Variants in LIPA observed in about 807,000 individuals in gnomAD.
LIPA encodes lysosomal acid lipase/cholesteryl ester hydrolase.
LIPA carries 26 observed loss-of-function variants against 40.6 expected under a neutral mutation model. That is an observed-to-expected ratio of 0.64 (90% CI 0.47 to 0.89). The LOEUF (loss-of-function observed/expected upper bound fraction) is 0.89. Ranked by LOEUF, LIPA falls within the 40% of genes least tolerant of loss-of-function variation. The probability of loss-of-function intolerance (pLI) is 0.00; values close to 1 mark genes in which losing one functional copy is unlikely to be tolerated. For synonymous variants in LIPA, 188 were observed against 168.4 expected (o/e 1.12, Z -0.90); for missense variants, 455 against 479.6 (o/e 0.95, Z 0.48).
At chr10:89,238,033 T>C (rs1842926502) in intron 3 of LIPA, among the ~76,000 whole-genome samples, 1 of 152,214 alleles carries the variant, frequency 6.6e-6, no homozygotes, top group Non-Finnish European at 1.5e-5. Context: ...CAGAAAAAGC[T>C]GTGAAAGTTA....
chr10:89,298,609 G>A (rs901424646), intron 1 of LIPA, among the ~76,000 whole-genome samples: 3 of 152,166 alleles, frequency 2.0e-5, no homozygotes, highest in African/African-American at 7.2e-5. Flanking sequence ...CAGGAAGCAT[G>A]TAAAAGCAAG....
At chr10:89,300,342 T>C (rs1843437834) in intron 1 of LIPA, among the ~76,000 whole-genome samples, 1 of 152,200 alleles carries the variant, frequency 6.6e-6, no homozygotes, top group African/African-American at 2.4e-5. Context: ...AGTTCTAATG[T>C]TTGATAGCCG....
At chr10:89,383,827 C>T (rs1844182058) in intron 2 of LIPA, 3 of 1,614,176 alleles carry the variant, frequency 1.9e-6, no homozygotes, top group Non-Finnish European at 1.7e-6. Context: ...GGAAGGGAAC[C>T]CTGAAAACCC....
intron 1 of LIPA, among the ~76,000 whole-genome samples, chr10:89,265,424 T>A (rs1221170809): frequency 6.6e-6 from 1 of 152,138 alleles, no homozygotes; most frequent in Non-Finnish European, 1.5e-5. Flanking sequence ...CAGAGGCCAC[T>A]CCAGATGGGC....
chr10:89,215,524 A>G (rs148561001), intron 9 of LIPA, among the ~76,000 whole-genome samples: 111 of 152,348 alleles, frequency 7.3e-4, no homozygotes, highest in African/African-American at 2.6e-3. Flanking sequence ...ATTAAATTTA[A>G]AAAACAGAGC....
chr10:89,388,349 G>A (rs1395177904), intron 2 of LIPA, among the ~76,000 whole-genome samples: 4 of 152,102 alleles, frequency 2.6e-5, no homozygotes, highest in South Asian at 2.1e-4. Context: ...CAGGTGATCC[G>A]CCCATCTTGG....
chr10:89,334,376 C>T (rs1024020710), intron 1 of LIPA, among the ~76,000 whole-genome samples: 1 of 151,692 alleles, frequency 6.6e-6, no homozygotes, highest in Admixed American at 6.6e-5. Context: ...TCCTATCTCC[C>T]TAAGGTCTTC....
chr10:89,335,016 C>A (rs1843713525), intron 1 of LIPA, among the ~76,000 whole-genome samples: 1 of 152,128 alleles, frequency 6.6e-6, no homozygotes, highest in Non-Finnish European at 1.5e-5. Context: ...AACCTCCTGA[C>A]CTGTGGCTCT....
rs1003454769 is a variant in LIPA, at chr10:89,214,334, T to C, written c.*494A>G. ...ACTATGCACCTGCTGCAGGAAAACA[T>C]GATAAAATGTCATTTAGATCTCTAA... On this transcript the variant is annotated 3_prime_UTR_variant, in exon 10 of 10. Coordinates refer to ENST00000336233, the MANE Select transcript of LIPA (RefSeq NM_000235.4). The C allele has an allele frequency of 6.5e-6, 1 of 154,184 alleles. No individual in the cohort carries two copies. Among genetic ancestry groups the C allele is most frequent in the Non-Finnish European group, 1.4e-5 (1 of 69,372 alleles). The allele number at this position is 154,184 out of a possible 1,614,324, so 9.6% of individuals were successfully genotyped here.
intron 1 of LIPA, chr10:89,307,387 G>A (rs1384226976): frequency 6.3e-6 from 10 of 1,578,694 alleles, no homozygotes; most frequent in Non-Finnish European, 8.6e-6. Flanking sequence ...GAATAGAGAT[G>A]TGGTGCCCAC....
intron 1 of LIPA, chr10:89,307,601 T>A (rs956394614): frequency 1.2e-5 from 5 of 431,294 alleles, no homozygotes; most frequent in African/African-American, 9.7e-5. Context: ...ACGGGCTTGG[T>A]GATAGAATTA....
intron 2 of LIPA, among the ~76,000 whole-genome samples, chr10:89,363,675 G>A (rs1844037446): frequency 6.6e-6 from 1 of 151,254 alleles, no homozygotes; most frequent in Non-Finnish European, 1.5e-5. Context: ...TACTCGGGAG[G>A]CTGAGGCAGG....
intron 1 of LIPA, among the ~76,000 whole-genome samples, chr10:89,313,869 C>T (rs770593911): frequency 3.9e-5 from 6 of 152,068 alleles, no homozygotes; most frequent in Non-Finnish European, 8.8e-5. Flanking sequence ...TTAGCAGTTG[C>T]CTAAGGCTAG....
At chr10:89,219,748 ACAGC>A (rs1288675075) in intron 8 of LIPA, among the ~76,000 whole-genome samples, 6 of 152,206 alleles carry the variant, frequency 3.9e-5, no homozygotes, top group Non-Finnish European at 8.8e-5. Flanking sequence ...CCCCTGGCCA[ACAGC>A]CCAGAGGAGG....
chr10:89,232,183 T>G (rs1413545379), intron 3 of LIPA, among the ~76,000 whole-genome samples: 1 of 152,224 alleles, frequency 6.6e-6, no homozygotes, highest in Non-Finnish European at 1.5e-5. Flanking sequence ...TAACTGTACG[T>G]GAGAATGGTG....
At chr10:89,303,767 T>G (rs1259910684) in intron 1 of LIPA, among the ~76,000 whole-genome samples, 1 of 152,200 alleles carries the variant, frequency 6.6e-6, no homozygotes, top group East Asian at 1.9e-4. Context: ...GGAGTTTATG[T>G]GTTAAGGGAA....
At chr10:89,357,100 AG>A (rs1843992763) in intron 2 of LIPA, among the ~76,000 whole-genome samples, 1 of 152,196 alleles carries the variant, frequency 6.6e-6, no homozygotes, top group Non-Finnish European at 1.5e-5. Context: ...CATGGTTGAA[AG>A]GGGTCTGTTA....
intron 8 of LIPA, among the ~76,000 whole-genome samples, chr10:89,217,323 T>A (rs1842641292): frequency 6.6e-6 from 1 of 152,248 alleles, no homozygotes; most frequent in African/African-American, 2.4e-5. Flanking sequence ...AGGAGAAATA[T>A]TTGGCATCTG....
At chr10:89,327,924 A>C in intron 1 of LIPA, 1 of 662,508 alleles carries the variant, frequency 1.5e-6, no homozygotes, top group South Asian at 2.0e-5. Context: ...TTACTCAAAA[A>C]CGGAGAAAAC....
Sources: allele counts gnomAD v4.1 joint callset (sites outside exome capture counted in the v4.1 genomes callset), GRCh38; gene constraint gnomAD v4.1.1; transcripts MANE v1.5; gene names NCBI Gene and HGNC (gene_info 2026-07-23, HGNC 2026-07-21).